Variants in ZFHX4 observed in about 807,000 individuals in gnomAD.
ZFHX4 encodes the protein zinc finger homeobox 4.
In ZFHX4, 56 loss-of-function variants were observed where a neutral mutation model predicts 267.6. The observed-to-expected ratio is 0.21, with a 90% CI of 0.17 to 0.26. The LOEUF is 0.26. ZFHX4 is among the 10% of genes least tolerant of loss of function. The pLI, the probability that ZFHX4 is intolerant of heterozygous loss-of-function variation, is 1.00. For missense variants in ZFHX4, 4,332 were observed against 4,420.0 expected (o/e 0.98, Z 0.56); for synonymous variants, 1,778 against 1,665.6 (o/e 1.07, Z -1.64).
intron 3 of ZFHX4, among the ~76,000 whole-genome samples, chr8:76,777,065 A>ATT (rs112170183): frequency 3.3e-5 from 5 of 151,986 alleles, no homozygotes; most frequent in South Asian, 4.1e-4. Flanking sequence ...CCATTTGTGT[A>ATT]TTTTTTAAAA....
In ZFHX4 at chr8:76,863,709, A is replaced by G; in HGVS notation, c.9995A>G (p.Lys3332Arg). The G allele has an allele frequency of 1.3e-6, 2 of 1,569,916 alleles. No individual in the cohort carries two copies. The highest frequency in any genetic ancestry group is 2.4e-5 in the East Asian group (1 of 42,156). ...YQQNLQESLQ[K>R]QQKQQQEQQQ... ...CAGAACCTGCAGGAGTCCCTGCAAA[A>G]GCAGCAAAAGCAACAGCAAGAACAG... Residue 3332 changes from lysine (K) to arginine (R), a missense_variant, in exon 11 of 11, where the codon AAG becomes AGG. Lys to Arg is a conservative substitution (Grantham distance 26). Coordinates refer to ENST00000651372, the MANE Select transcript of ZFHX4 (RefSeq NM_024721.5).
chr8:76,826,889 G>A (rs1811799025), intron 4 of ZFHX4, among the ~76,000 whole-genome samples: 1 of 152,214 alleles, frequency 6.6e-6, no homozygotes, highest in African/African-American at 2.4e-5. Context: ...AGCTGGTTTT[G>A]AGATAGGAAG....
chr8:76,749,865 A>G (rs912527760), intron 3 of ZFHX4, among the ~76,000 whole-genome samples: 4 of 152,198 alleles, frequency 2.6e-5, no homozygotes, highest in African/African-American at 9.6e-5. Flanking sequence ...CTTTTGATAG[A>G]CTAATTATAT....
At chr8:76,856,707 T>G (rs1405685538) in intron 10 of ZFHX4, among the ~76,000 whole-genome samples, 5 of 152,196 alleles carry the variant, frequency 3.3e-5, no homozygotes, top group Admixed American at 1.3e-4. Context: ...TAATTTATGT[T>G]CTTTCCAAGG....
chr8:76,708,199 C>T, intron 3 of ZFHX4, 151 bp downstream of exon 3: 1 of 963,464 alleles, frequency 1.0e-6, no homozygotes, highest in Non-Finnish European at 1.5e-6. Context: ...ATTATAAAAA[C>T]ATATTGAAAT....
At chr8:76,798,874 A>G (rs1275985594) in intron 4 of ZFHX4, among the ~76,000 whole-genome samples, 1 of 152,118 alleles carries the variant, frequency 6.6e-6, no homozygotes, top group Non-Finnish European at 1.5e-5. Context: ...ATTGACTAAG[A>G]CGGTGTCATA....
chr8:76,822,033 A>G (rs530183071), intron 4 of ZFHX4, among the ~76,000 whole-genome samples: 17 of 152,126 alleles, frequency 1.1e-4, no homozygotes, highest in African/African-American at 3.4e-4. Flanking sequence ...ACACATGCAC[A>G]CACCCCTTCA....
At chr8:76,729,929 G>A (rs2131659104) in intron 3 of ZFHX4, among the ~76,000 whole-genome samples, 1 of 152,278 alleles carries the variant, frequency 6.6e-6, no homozygotes, top group Non-Finnish European at 1.5e-5. Context: ...AAAGGGACGT[G>A]AAGCTAGGCC....
intron 6 of ZFHX4, among the ~76,000 whole-genome samples, chr8:76,844,366 A>G (rs1376321257): frequency 1.3e-5 from 2 of 152,136 alleles, no homozygotes; most frequent in Non-Finnish European, 2.9e-5. Flanking sequence ...ATTTGTGTTA[A>G]TTCAATGCCC....
chr8:76,790,383 T>C (rs1321727531), intron 4 of ZFHX4, among the ~76,000 whole-genome samples: 1 of 152,112 alleles, frequency 6.6e-6, no homozygotes, highest in East Asian at 1.9e-4. Flanking sequence ...GGAGCTGTGG[T>C]TTTTATTCAA....
intron 3 of ZFHX4, among the ~76,000 whole-genome samples, chr8:76,772,175 C>T (rs569516795): frequency 1.1e-4 from 17 of 152,094 alleles, no homozygotes; most frequent in African/African-American, 3.6e-4. Context: ...GTGCCTAGTA[C>T]GTAAAAAGCA....
intron 3 of ZFHX4, among the ~76,000 whole-genome samples, chr8:76,709,613 C>G (rs950444395): frequency 6.6e-6 from 1 of 152,100 alleles, no homozygotes; most frequent in Non-Finnish European, 1.5e-5. Context: ...TATATTCATG[C>G]AGCTCCTCTA....
intron 3 of ZFHX4, among the ~76,000 whole-genome samples, chr8:76,727,136 G>A (rs1808874313): frequency 6.6e-6 from 1 of 152,108 alleles, no homozygotes; most frequent in African/African-American, 2.4e-5. Context: ...AGGTCAGCCT[G>A]TTCGTCTGCG....
chr8:76,756,630 C>CA (rs199623286), intron 3 of ZFHX4, among the ~76,000 whole-genome samples: 3,541 of 152,096 alleles, frequency 0.023, 65 homozygotes, highest in Non-Finnish European at 0.033. Context: ...CAACTTTTCT[C>CA]AATCATTTCG....
chr8:76,683,461 G>C (rs1807604440), intron 1 of ZFHX4, among the ~76,000 whole-genome samples: 1 of 150,774 alleles, frequency 6.6e-6, no homozygotes, highest in African/African-American at 2.4e-5. Context: ...GAAGATGGTG[G>C]ATTGACACTG....
chr8:76,702,872 C>T (rs1185048755), intron 1 of ZFHX4, among the ~76,000 whole-genome samples: 1 of 151,934 alleles, frequency 6.6e-6, no homozygotes, highest in Non-Finnish European at 1.5e-5. Context: ...TGTACAGTGC[C>T]ATCATTCTGC....
intron 4 of ZFHX4, among the ~76,000 whole-genome samples, chr8:76,813,587 T>C (rs1335866233): frequency 6.6e-6 from 1 of 152,216 alleles, no homozygotes; most frequent in East Asian, 1.9e-4. Context: ...TATTACATTT[T>C]ATGAAGTTGC....
chr8:76,791,885 T>C (rs1810847196), intron 4 of ZFHX4, among the ~76,000 whole-genome samples: 1 of 152,182 alleles, frequency 6.6e-6, no homozygotes, highest in South Asian at 2.1e-4. Context: ...CACAAAACCT[T>C]ACACCACTCA....
chr8:76,765,851 G>A (rs181067059), intron 3 of ZFHX4, among the ~76,000 whole-genome samples: 1 of 152,020 alleles, frequency 6.6e-6, no homozygotes, highest in Non-Finnish European at 1.5e-5. Flanking sequence ...TGAAATTGAG[G>A]CCCAGCAGTT....
Sources: allele counts gnomAD v4.1 joint callset (sites outside exome capture counted in the v4.1 genomes callset), GRCh38; gene constraint gnomAD v4.1.1; transcripts MANE v1.5; gene names NCBI Gene and HGNC (gene_info 2026-07-23, HGNC 2026-07-21).